Variants in ST6GAL1 observed in about 807,000 individuals in gnomAD.
ST6GAL1 encodes the protein ST6 beta-galactoside alpha-2,6-sialyltransferase 1, also known as beta-galactoside alpha-2,6-sialyltransferase 1.
ST6GAL1 carries 20 observed loss-of-function variants against 38.0 expected under a neutral mutation model. The ratio of observed to expected loss-of-function variants is 0.53; its 90% CI spans 0.37 to 0.77. The LOEUF (loss-of-function observed/expected upper bound fraction) is 0.77. Ranked by LOEUF, ST6GAL1 falls within the 30% of genes least tolerant of loss-of-function variation. The probability of loss-of-function intolerance (pLI) is 0.00; values close to 1 mark genes in which losing one functional copy is unlikely to be tolerated. For synonymous variants in ST6GAL1, 196 were observed against 188.2 expected, an observed-to-expected ratio of 1.04 and a Z score of -0.34; for missense variants, 432 against 496.4, an observed-to-expected ratio of 0.87 and a Z score of 1.23.
At chr3:186,947,379 T>A (rs556760493) in intron 1 of ST6GAL1, among the ~76,000 whole-genome samples, 13 of 152,334 alleles carry the variant, frequency 8.5e-5, no homozygotes, top group African/African-American at 3.1e-4. Context: ...GTGGTGAGAC[T>A]GATTTGAGCT....
intron 1 of ST6GAL1, among the ~76,000 whole-genome samples, chr3:186,956,521 A>G (rs1045308779): frequency 2.6e-5 from 4 of 152,234 alleles, no homozygotes; most frequent in African/African-American, 7.2e-5. Context: ...AATGAGGGAA[A>G]GTCCACATGC....
chr3:186,975,792 G>A (rs1672007867), intron 2 of ST6GAL1, among the ~76,000 whole-genome samples: 1 of 152,252 alleles, frequency 6.6e-6, no homozygotes, highest in Admixed American at 6.5e-5. Context: ...CGCCACAGAA[G>A]TGAGTGAGGC....
chr3:186,967,215 G>A (rs965900284), intron 2 of ST6GAL1, among the ~76,000 whole-genome samples: 3 of 152,056 alleles, frequency 2.0e-5, no homozygotes, highest in Admixed American at 1.3e-4. Context: ...TTTTTTAGAC[G>A]GTGTCTTGCT....
chr3:187,043,220 A>C lies in ST6GAL1; in HGVS notation c.517A>C (p.Ser173Arg). Residue 173 changes from serine (S) to arginine (R), a missense_variant, in exon 4 of 8, where the codon AGC becomes CGC. Coordinates refer to ENST00000169298, the MANE Select transcript of ST6GAL1 (RefSeq NM_173216.2). ...SEWEGYLPKESIRTKAGPWGR... is the reference protein window; with the variant it reads ...SEWEGYLPKERIRTKAGPWGR... Reference sequence around the variant, plus strand: ...ATGGGAGGGTTATCTGCCCAAGGAGAGCATTAGGACCAAGGCTGGGCCTTG... The same window carrying C: ...ATGGGAGGGTTATCTGCCCAAGGAGCGCATTAGGACCAAGGCTGGGCCTTG... 6.2e-7 allele frequency: 1 copy of C among 1,614,024 alleles called. No individual in the cohort carries two copies. The highest frequency in any genetic ancestry group is 8.5e-7 in the Non-Finnish European group (1 of 1,180,004).
chr3:187,046,815 T>C (rs1318559615), intron 4 of ST6GAL1, among the ~76,000 whole-genome samples: 1 of 152,256 alleles, frequency 6.6e-6, no homozygotes, highest in African/African-American at 2.4e-5. Context: ...ATGATGTCTG[T>C]CACAACTACT....
rs2108580703 is a variant in ST6GAL1, at chr3:187,043,275, G to T, written c.572G>T (p.Gly191Val). The T allele has an allele frequency of 6.2e-7, 1 of 1,614,096 alleles. No homozygotes were observed. Among genetic ancestry groups the T allele is most frequent in the East Asian group, 2.2e-5 (1 of 44,884 alleles). Reference protein sequence around the residue: ...WGRCAVVSSAGSLKSSQLGRE... With the variant: ...WGRCAVVSSAVSLKSSQLGRE... ...AGGTGTGCTGTTGTGTCGTCAGCGGGATCTCTGAAGTCCTCCCAACTAGGC... is the reference window on the plus strand; with the variant it reads ...AGGTGTGCTGTTGTGTCGTCAGCGGTATCTCTGAAGTCCTCCCAACTAGGC... The change falls in exon 4 of 8, where the codon GGA becomes GTA. Residue 191 changes from glycine to valine, a missense_variant. Gly to Val is a moderately radical substitution (Grantham distance 109, BLOSUM62 -3). Transcript: ENST00000169298.
At chr3:186,931,681 C>T (rs1713759638) in intron 1 of ST6GAL1, among the ~76,000 whole-genome samples, 1 of 152,178 alleles carries the variant, frequency 6.6e-6, no homozygotes, top group African/African-American at 2.4e-5. Context: ...CCTCAGCCTG[C>T]GGGAAGAATG....
intron 2 of ST6GAL1, among the ~76,000 whole-genome samples, chr3:187,012,209 C>G (rs914820050): frequency 2.6e-5 from 4 of 152,124 alleles, no homozygotes; most frequent in African/African-American, 9.7e-5. Flanking sequence ...GCTCGCAGAC[C>G]AAGAGAGAAG....
intron 3 of ST6GAL1, among the ~76,000 whole-genome samples, chr3:187,040,207 A>T (rs2268532): frequency 0.19 from 29,073 of 152,232 alleles, 2,944 homozygotes; most frequent in Admixed American, 0.29. Flanking sequence ...TGCTGTGCTT[A>T]TCTCACGGGA....
rs1579280952 is a variant in ST6GAL1 at position 186,969,095 on chromosome 3, A to G, written c.-183+5169A>G. Among the ~76,000 whole-genome samples the G allele has an allele frequency of 2.2e-5, 3 of 133,680 alleles. No homozygotes were observed. In the Admixed American group the frequency reaches 2.6e-4, roughly 12 times the overall value. 87.7% of individuals were successfully genotyped at this position (133,680 alleles called of 152,430 possible). A position where few individuals can be genotyped will look rare whatever the true frequency, so the allele number is the denominator to read the frequency against. On this transcript the variant is annotated intron_variant, in intron 2 of 7. Transcript: ENST00000169298. ...GAGACAGATTCTCACTCTGTGGGCC[A>G]GGCTGGAATGCAGTGGCGCAATCTC...
chr3:187,050,426 CAGTTGCAAAGACA>C (rs978243451), intron 4 of ST6GAL1, among the ~76,000 whole-genome samples: 2 of 152,100 alleles, frequency 1.3e-5, no homozygotes, highest in Non-Finnish European at 2.9e-5. Context: ...ACTGCTTAAA[CAGTTGCAAAGACA>C]AGGAGCTAGC....
At chr3:186,942,793 CA>C (rs1714223706) in intron 1 of ST6GAL1, among the ~76,000 whole-genome samples, 1 of 152,124 alleles carries the variant, frequency 6.6e-6, no homozygotes, top group African/African-American at 2.4e-5. Context: ...CTCCATTTTG[CA>C]AATAAGAAAA....
chr3:186,990,825 A>G (rs1716142280), intron 2 of ST6GAL1, among the ~76,000 whole-genome samples: 1 of 151,666 alleles, frequency 6.6e-6, no homozygotes, highest in African/African-American at 2.4e-5. Flanking sequence ...AAAAAGAAAA[A>G]AAAAAAGGAT....
intron 2 of ST6GAL1, among the ~76,000 whole-genome samples, chr3:187,028,038 C>G (rs73071428): frequency 0.028 from 4,256 of 151,704 alleles, 193 homozygotes; most frequent in African/African-American, 0.098. Flanking sequence ...CCTTGTGACT[C>G]TGACAAGATC....
intron 2 of ST6GAL1, among the ~76,000 whole-genome samples, chr3:186,974,020 T>C (rs1375876416): frequency 6.6e-6 from 1 of 152,114 alleles, no homozygotes; most frequent in African/African-American, 2.4e-5. Context: ...GGGGTTGCTG[T>C]GGAGGAAGCT....
At chr3:186,981,981 TCTC>T (rs1264100769) in intron 2 of ST6GAL1, among the ~76,000 whole-genome samples, 1 of 151,194 alleles carries the variant, frequency 6.6e-6, no homozygotes, top group Non-Finnish European at 1.5e-5. Flanking sequence ...CTCATTTAAT[TCTC>T]CTAACAACTC....
intron 2 of ST6GAL1, among the ~76,000 whole-genome samples, chr3:187,020,959 TG>T (rs1337699107): frequency 7.8e-6 from 1 of 127,600 alleles, no homozygotes; most frequent in African/African-American, 2.7e-5. Flanking sequence ...TATGTATTGG[TG>T]GTTTTTTTTT....
At chr3:187,071,776 C>CAAAA (rs11330261) in intron 5 of ST6GAL1, among the ~76,000 whole-genome samples, 9 of 72,318 alleles carry the variant, frequency 1.2e-4, no homozygotes, top group Admixed American at 1.7e-4. Context: ...GACTCCGCCT[C>CAAAA]AAAAAAAAAA....
At chr3:186,969,172 C>T (rs1715255162) in intron 2 of ST6GAL1, among the ~76,000 whole-genome samples, 2 of 144,584 alleles carry the variant, frequency 1.4e-5, no homozygotes, top group African/African-American at 5.2e-5. Context: ...CTGCCTCAGC[C>T]TCCTGAGTAG....
Sources: allele counts gnomAD v4.1 joint callset (sites outside exome capture counted in the v4.1 genomes callset), GRCh38; gene constraint gnomAD v4.1.1; transcripts MANE v1.5; gene names NCBI Gene and HGNC (gene_info 2026-07-23, HGNC 2026-07-21).